The following HDAC9 variants were observed in gnomAD, a reference collection of about 807,000 sequenced individuals.
HDAC9 encodes MEF-2 interacting transcription repressor (MITR) protein.
A neutral mutation model predicts 139.4 loss-of-function variants in HDAC9; 41 were observed. The observed-to-expected ratio is 0.29, with a 90% CI of 0.23 to 0.38. The LOEUF (loss-of-function observed/expected upper bound fraction) is 0.38. Among genes scored for constraint, HDAC9 ranks in the 10% least tolerant of loss-of-function variants. HDAC9 has a pLI of 1.00. For missense variants in HDAC9, 1,147 were observed against 1,297.0 expected (o/e 0.88, Z 1.78); for synonymous variants, 517 against 476.2 (o/e 1.09, Z -1.12).
intron 13 of HDAC9, among the ~76,000 whole-genome samples, chr7:18,728,610 G>T (rs992816338): frequency 6.6e-6 from 1 of 152,294 alleles, no homozygotes; most frequent in East Asian, 1.9e-4. Context: ...GGATACTGCA[G>T]AAAACGAATT....
At chr7:18,433,469 A>C (rs1001393186) in intron 1 of HDAC9, among the ~76,000 whole-genome samples, 3 of 152,160 alleles carry the variant, frequency 2.0e-5, no homozygotes, top group African/African-American at 7.2e-5. Flanking sequence ...GTTTGTAGAC[A>C]ATATGATTCT....
At chr7:18,989,058 T>G (rs1334475783) in intron 25 of HDAC9, among the ~76,000 whole-genome samples, 5 of 129,112 alleles carry the variant, frequency 3.9e-5, no homozygotes, top group Non-Finnish European at 8.3e-5. Flanking sequence ...ATTTAGTCCA[T>G]TTACATTTAA....
At chr7:18,501,138 A>G (rs1798244396) in intron 2 of HDAC9, among the ~76,000 whole-genome samples, 1 of 152,174 alleles carries the variant, frequency 6.6e-6, no homozygotes, top group South Asian at 2.1e-4. Context: ...CTTAAAACAA[A>G]CAAAAAACTA....
At chr7:18,195,504 G>A (rs950435196) in intron 2 of HDAC9, among the ~76,000 whole-genome samples, 9 of 151,744 alleles carry the variant, frequency 5.9e-5, no homozygotes, top group Admixed American at 1.3e-4. Context: ...TGCCAGATAA[G>A]TTGAGGTTTG....
Position 18,324,748 on chromosome 7 carries a change from A to C in HDAC9, c.-42+34233A>C, listed in dbSNP as rs182200749. On this transcript the variant is annotated intron_variant, in intron 1 of 3. Transcript: ENST00000413509. ...AGAAGCATTATTGTAGAGCATAAAA[A>C]GGTGAGCAAGAAATAGCTCTTGCCT... Among the ~76,000 whole-genome samples the C allele has an allele frequency of 5.6e-3, 857 of 152,298 alleles. 4 individuals are homozygous for C. Among genetic ancestry groups the C allele is most frequent in the Non-Finnish European group, 5.6e-3 (380 of 68,020 alleles).
At chr7:18,789,152 A>T (rs3901982) in intron 16 of HDAC9, among the ~76,000 whole-genome samples, 6,179 of 152,122 alleles carry the variant, frequency 0.041, 255 homozygotes, top group African/African-American at 0.11. Context: ...TCACCACAAA[A>T]TCTGTATTTT....
chr7:18,270,020 G>C (rs529990005), intron 2 of HDAC9, among the ~76,000 whole-genome samples: 1 of 152,194 alleles, frequency 6.6e-6, no homozygotes, highest in African/African-American at 2.4e-5. Flanking sequence ...GGGGCCTGTT[G>C]TGTTCGTTAT....
Position 18,176,652 on chromosome 7 carries a change from A to T in HDAC9, c.25+14303A>T, listed in dbSNP as rs145340378. 9.1e-3 allele frequency among the ~76,000 whole-genome samples: 1,390 copies of T among 152,276 alleles called. 24 individuals are homozygous for T. The highest frequency in any genetic ancestry group is 0.032 in the African/African-American group (1,310 of 41,550). ...GAAAATTCTGTTTGGGTAATTTTTTAAAAAATTTATTTTCAGTTCAGAGGT... is the reference window on the plus strand; with the variant it reads ...GAAAATTCTGTTTGGGTAATTTTTTTAAAAATTTATTTTCAGTTCAGAGGT... On this transcript the variant is annotated intron_variant, in intron 2 of 12. Coordinates refer to the HDAC9 transcript ENST00000417496.
Position 18,471,093 on chromosome 7 carries a change from A to G in HDAC9, c.-41-25169A>G, listed in dbSNP as rs1586136515. Among the ~76,000 whole-genome samples the G allele has an allele frequency of 2.0e-5, 3 of 152,042 alleles. No individual in the cohort carries two copies. The East Asian group carries it at 5.8e-4, about 29-fold the overall frequency. ...GTTTCAAATAATTGACCGAGAAAAT[A>G]TGAAGGGTAAGTTTCTGTTGAGTTA... On this transcript the variant is annotated intron_variant, in intron 1 of 3. Coordinates refer to the HDAC9 transcript ENST00000413509.
chr7:18,202,750 A>G (rs1307490106), intron 2 of HDAC9, among the ~76,000 whole-genome samples: 5 of 152,188 alleles, frequency 3.3e-5, no homozygotes, highest in Admixed American at 2.6e-4. Context: ...CTTCATGGGC[A>G]TGTCAAGTAT....
chr7:18,363,718 G>T (rs1783962338), intron 1 of HDAC9, among the ~76,000 whole-genome samples: 1 of 152,108 alleles, frequency 6.6e-6, no homozygotes, highest in African/African-American at 2.4e-5. Context: ...CCAATGGGCT[G>T]AACAGTGAGG....
intron 16 of HDAC9, 175 bp from the exon 17 acceptor site, chr7:18,793,170 A>G (rs1792480446): frequency 1.7e-6 from 1 of 595,820 alleles, no homozygotes; most frequent in Non-Finnish European, 3.0e-6. Flanking sequence ...GCTGGCCAAG[A>G]CGGAAGACTA....
chr7:18,669,947 A>G (rs1207465752), intron 12 of HDAC9, among the ~76,000 whole-genome samples: 1 of 151,876 alleles, frequency 6.6e-6, no homozygotes, highest in Non-Finnish European at 1.5e-5. Context: ...ATTGTTATAT[A>G]TTGTTTTATG....
chr7:18,492,503 T>A (rs1181277439), upstream of HDAC9, among the ~76,000 whole-genome samples: 1 of 151,976 alleles, frequency 6.6e-6, no homozygotes, highest in African/African-American at 2.4e-5. Context: ...AACCTGAGAT[T>A]TTTTTGGCCC....
At chr7:18,354,070 GA>G (rs1050290117) in intron 1 of HDAC9, among the ~76,000 whole-genome samples, 2 of 151,406 alleles carry the variant, frequency 1.3e-5, no homozygotes, top group Non-Finnish European at 2.9e-5. Flanking sequence ...GTTTTAAGGT[GA>G]AAAAAAAGCA....
At chr7:18,159,222 G>T (rs1289529771) in intron 1 of HDAC9, among the ~76,000 whole-genome samples, 1 of 152,118 alleles carries the variant, frequency 6.6e-6, no homozygotes, top group East Asian at 1.9e-4. Flanking sequence ...TCTATTACAT[G>T]TTTTGATAAT....
intron 2 of HDAC9, among the ~76,000 whole-genome samples, chr7:18,223,878 CAT>C (rs1158518101): frequency 3.9e-5 from 6 of 152,150 alleles, no homozygotes; most frequent in African/African-American, 7.2e-5. Flanking sequence ...ACTATTCACA[CAT>C]ATCTTTTCTT....
chr7:18,411,202 G>A (rs919299437), intron 1 of HDAC9, among the ~76,000 whole-genome samples: 4 of 152,134 alleles, frequency 2.6e-5, no homozygotes, highest in Non-Finnish European at 5.9e-5. Flanking sequence ...ATTTACTGGA[G>A]ACCTACTTTC....
intron 5 of HDAC9, among the ~76,000 whole-genome samples, chr7:18,593,202 A>T (rs982102345): frequency 6.6e-6 from 1 of 152,136 alleles, no homozygotes; most frequent in Non-Finnish European, 1.5e-5. Context: ...TGTGATGGTG[A>T]TACTATGTCC....
Sources: gnomAD v4.1 joint callset for allele counts (sites outside exome capture counted in the v4.1 genomes callset) on GRCh38, gnomAD v4.1.1 for gene constraint, MANE v1.5 for transcripts, NCBI Gene and HGNC (gene_info 2026-07-23, HGNC 2026-07-21) for gene names.